Variants in MYLK observed in about 807,000 individuals in gnomAD.
The protein encoded by MYLK is myosin light chain kinase.
In MYLK, 106 loss-of-function variants were observed where a neutral mutation model predicts 203.4. The ratio of observed to expected loss-of-function variants is 0.52; its 90% confidence interval spans 0.45 to 0.61. The LOEUF (loss-of-function observed/expected upper bound fraction) is 0.61. Ranked by LOEUF, MYLK falls within the 20% of genes least tolerant of loss-of-function variation. The probability of loss-of-function intolerance (pLI) is 0.00; values close to 1 mark genes in which losing one functional copy is unlikely to be tolerated. For synonymous variants in MYLK, 867 were observed against 959.5 expected (o/e 0.90, Z 1.78); for missense variants, 2,072 against 2,442.3 (o/e 0.85, Z 3.20).
chr3:123,689,712 C>T (rs2060589700), intron 19 of MYLK: 1 of 152,212 alleles, frequency 6.6e-6, no homozygotes. Flanking sequence ...TTGTTCTCCT[C>T]CTGGGTGAGT....
intron 4 of MYLK, among the ~76,000 whole-genome samples, chr3:123,778,624 A>G (rs2064170174): frequency 6.6e-6 from 1 of 152,074 alleles, no homozygotes; most frequent in South Asian, 2.1e-4. Flanking sequence ...CGCCACCCTC[A>G]GAAGTAAAAT....
chr3:123,688,678 C>T (rs1005527246), intron 19 of MYLK, among the ~76,000 whole-genome samples: 1 of 152,126 alleles, frequency 6.6e-6, no homozygotes, highest in Non-Finnish European at 1.5e-5. Context: ...TACCATCCTG[C>T]CCCTTGCTCA....
intron 8 of MYLK, 162 bp from the exon 9 acceptor site, chr3:123,735,578 G>A (rs1457942572): frequency 1.3e-6 from 1 of 741,074 alleles, no homozygotes; most frequent in African/African-American, 1.7e-5. Flanking sequence ...CCCAGCCCTA[G>A]AGTACATTGT....
At chr3:123,653,856 T>C (rs1183006058) in intron 24 of MYLK, among the ~76,000 whole-genome samples, 1 of 152,166 alleles carries the variant, frequency 6.6e-6, no homozygotes, top group African/African-American at 2.4e-5. Flanking sequence ...ATGAACATCT[T>C]CACACTGCAA....
At chr3:123,621,253 G>A (rs1199195804) in intron 31 of MYLK, 1 of 152,050 alleles carries the variant, frequency 6.6e-6, no homozygotes, top group Non-Finnish European at 1.5e-5. Context: ...TTTTTCTAAG[G>A]TTAACAGGAA....
intron 4 of MYLK, among the ~76,000 whole-genome samples, chr3:123,768,880 G>T (rs975320945): frequency 6.6e-6 from 1 of 152,188 alleles, no homozygotes; most frequent in Non-Finnish European, 1.5e-5. Flanking sequence ...AATTCCAAAA[G>T]GCCACGCAAG....
chr3:123,672,146 T>C (rs775396048), intron 20 of MYLK, among the ~76,000 whole-genome samples: 1 of 151,276 alleles, frequency 6.6e-6, no homozygotes, highest in Non-Finnish European at 1.5e-5. Context: ...GGGTGGGCCA[T>C]AGTCCAATTT....
intron 3 of MYLK, among the ~76,000 whole-genome samples, chr3:123,808,358 A>G (rs905635484): frequency 2.0e-5 from 3 of 152,034 alleles, no homozygotes; most frequent in African/African-American, 7.2e-5. Flanking sequence ...TTTCAATCCC[A>G]CCTCCAGCCC....
intron 3 of MYLK, among the ~76,000 whole-genome samples, chr3:123,801,440 C>T (rs1454653806): frequency 1.3e-5 from 2 of 151,984 alleles, no homozygotes; most frequent in Non-Finnish European, 2.9e-5. Flanking sequence ...AACTTTTATT[C>T]TAGAGTAAGG....
intron 18 of MYLK, among the ~76,000 whole-genome samples, chr3:123,693,835 C>T (rs2060790101): frequency 6.6e-6 from 1 of 152,234 alleles, no homozygotes; most frequent in South Asian, 2.1e-4. Context: ...GATGCACAAA[C>T]AAGTAAATAG....
chr3:123,861,920 C>T (rs570329311), intron 2 of MYLK, among the ~76,000 whole-genome samples: 95 of 152,346 alleles, frequency 6.2e-4, no homozygotes, highest in South Asian at 1.0e-3. Flanking sequence ...CAACAATACA[C>T]TTGAGGTGTC....
chr3:123,806,138 T>C (rs535640702), intron 3 of MYLK, among the ~76,000 whole-genome samples: 3 of 152,384 alleles, frequency 2.0e-5, no homozygotes, highest in Admixed American at 1.3e-4. Context: ...CAATTACTTA[T>C]AATTGTTGGA....
chr3:123,772,597 T>C (rs2063920045), intron 4 of MYLK, among the ~76,000 whole-genome samples: 1 of 151,946 alleles, frequency 6.6e-6, no homozygotes, highest in Non-Finnish European at 1.5e-5. Context: ...AAACTTAGGA[T>C]AAAAATTAAA....
At chr3:123,677,884 A>AATATAC (rs2060121404) in intron 20 of MYLK, among the ~76,000 whole-genome samples, 1 of 53,566 alleles carries the variant, frequency 1.9e-5, no homozygotes, top group Non-Finnish European at 3.2e-5. Context: ...TAAATAAATG[A>AATATAC]ATATATATAT....
At chr3:123,742,139 C>T (rs2062872760) in intron 5 of MYLK, among the ~76,000 whole-genome samples, 1 of 152,182 alleles carries the variant, frequency 6.6e-6, no homozygotes, top group African/African-American at 2.4e-5. Context: ...TGGGCCTCTC[C>T]CCAGCTCCAT....
At chr3:123,812,667 C>T (rs1419677660) in intron 3 of MYLK, among the ~76,000 whole-genome samples, 1 of 152,224 alleles carries the variant, frequency 6.6e-6, no homozygotes, top group Admixed American at 6.5e-5. Context: ...CTATGAAAGA[C>T]CTAGATGTCT....
intron 3 of MYLK, among the ~76,000 whole-genome samples, chr3:123,799,214 C>T: frequency 7.8e-6 from 1 of 128,208 alleles, no homozygotes. Flanking sequence ...GATGCTTGGG[C>T]CAACGCCCAC....
chr3:123,730,579 T>C lies in MYLK; in HGVS notation c.1516+2317A>G, dbSNP rs901752159. 1.8e-4 allele frequency among the ~76,000 whole-genome samples: 28 copies of C among 152,202 alleles called. 1 individual carries two copies. Among genetic ancestry groups the C allele is most frequent in the Non-Finnish European group, 2.9e-5 (2 of 68,032 alleles). On this transcript the variant is annotated intron_variant, in intron 11 of 33. Transcript: ENST00000360304. ...ATGCAATATGATTCAGCCACATGGA[T>C]GAATGAAGTACTAACACCTGCTACA...
intron 19 of MYLK, 90 bp downstream of exon 19, chr3:123,692,645 T>C (rs548602622): frequency 9.5e-7 from 1 of 1,050,080 alleles, no homozygotes; most frequent in Non-Finnish European, 1.5e-6. Context: ...GAGGCAGTTC[T>C]GTCTGACAGG....
Sources: gnomAD v4.1 joint callset for allele counts (sites outside exome capture counted in the v4.1 genomes callset) on GRCh38, gnomAD v4.1.1 for gene constraint, MANE v1.5 for transcripts, NCBI Gene and HGNC (gene_info 2026-07-23, HGNC 2026-07-21) for gene names.